The following UGT2B15 variants were observed in gnomAD, a reference collection of about 807,000 sequenced individuals.
The protein encoded by UGT2B15 is UDP-glucuronosyltransferase 2B15.
UGT2B15 carries 36 observed loss-of-function variants against 45.9 expected under a neutral mutation model. The observed-to-expected ratio is 0.78, with a 90% CI of 0.60 to 1.04. The LOEUF (loss-of-function observed/expected upper bound fraction) is 1.04. Ranked by LOEUF, UGT2B15 falls within the 50% of genes least tolerant of loss-of-function variation. The pLI is 0.00. For missense variants in UGT2B15, 617 were observed against 622.4 expected, an observed-to-expected ratio of 0.99 and a Z score of 0.09; for synonymous variants, 219 against 216.4, an observed-to-expected ratio of 1.01 and a Z score of -0.11.
intron 4 of UGT2B15, 115 bp from the exon 5 acceptor site, chr4:68,654,371 A>G (rs556434046): frequency 2.1e-6 from 2 of 946,336 alleles, no homozygotes; most frequent in Non-Finnish European, 3.1e-6. Flanking sequence ...CATTATACCC[A>G]CAAAACTGCA....
intron 3 of UGT2B15, among the ~76,000 whole-genome samples, chr4:68,655,497 G>A (rs1414188098): frequency 2.0e-5 from 3 of 152,062 alleles, no homozygotes; most frequent in African/African-American, 7.2e-5. Context: ...GAAAAGTTAA[G>A]CTGCTTAGGG....
intron 2 of UGT2B15, among the ~76,000 whole-genome samples, chr4:68,665,208 A>T (rs910688829): frequency 6.6e-6 from 1 of 152,146 alleles, no homozygotes; most frequent in African/African-American, 2.4e-5. Flanking sequence ...CCATTTCATT[A>T]TGGGTTTAAT....
At position 68,654,226 on chromosome 4, in the gene UGT2B15, T is replaced by A. The variant is rs758533475; in HGVS notation, c.1124A>T (p.His375Leu). Residue 375 changes from histidine to leucine, a missense_variant, in exon 5 of 6, where the codon CAT becomes CTT. Around this residue, in one of 3 missense-constraint regions of UGT2B15, gnomAD observed 265 missense variants for 245.1 expected, o/e 1.08. Transcript: ENST00000338206. ...GHPKTKAFIT[H>L]GGTNGIYEAI... Reference sequence around the variant, plus strand: ...CTCATAGATGCCATTGGTTCCACCATGAGTTATAAAAGCTTTGGTTTTGGG... The same window carrying A: ...CTCATAGATGCCATTGGTTCCACCAAGAGTTATAAAAGCTTTGGTTTTGGG... 5 of 1,613,604 alleles carry A rather than the reference T, an allele frequency of 3.1e-6. No homozygotes were observed. The East Asian group carries it at 1.1e-4, about 36-fold the overall frequency.
chr4:68,655,310 T>A (rs1732772869), intron 3 of UGT2B15, 128 bp from the exon 4 acceptor site: 1 of 1,177,750 alleles, frequency 8.5e-7, no homozygotes, highest in South Asian at 1.6e-5. Flanking sequence ...GAAGAAGTGA[T>A]GTCAAGTAAT....
intron 5 of UGT2B15, among the ~76,000 whole-genome samples, chr4:68,653,630 C>A (rs186221683): frequency 1.3e-4 from 20 of 151,874 alleles, no homozygotes; most frequent in African/African-American, 4.8e-4. Context: ...AATTATAATT[C>A]ATTATCACAT....
chr4:68,649,138 G>A (rs141748132), intron 5 of UGT2B15, among the ~76,000 whole-genome samples: 4,347 of 151,598 alleles, frequency 0.029, 283 homozygotes, highest in East Asian at 0.26. Flanking sequence ...TTCAGTTATC[G>A]TTTTTGGATG....
intron 3 of UGT2B15, among the ~76,000 whole-genome samples, chr4:68,657,686 C>T (rs1177300343): frequency 6.6e-6 from 1 of 152,026 alleles, no homozygotes; most frequent in Non-Finnish European, 1.5e-5. Flanking sequence ...GTCCTGCAAG[C>T]TATAGAGTTC....
chr4:68,647,592 A>G (rs560564786), intron 5 of UGT2B15, among the ~76,000 whole-genome samples: 177 of 152,274 alleles, frequency 1.2e-3, no homozygotes, highest in Non-Finnish European at 2.1e-3. Flanking sequence ...ACCTTTAAAA[A>G]TGAAAAATGG....
At chr4:68,663,511 AT>A (rs889744352) in intron 2 of UGT2B15, among the ~76,000 whole-genome samples, 1 of 151,672 alleles carries the variant, frequency 6.6e-6, no homozygotes, top group African/African-American at 2.4e-5. Flanking sequence ...TTCAATTCTA[AT>A]TTTTTTTGTG....
At chr4:68,650,301 C>T (rs1338121506) in intron 5 of UGT2B15, among the ~76,000 whole-genome samples, 1 of 151,960 alleles carries the variant, frequency 6.6e-6, no homozygotes, top group Non-Finnish European at 1.5e-5. Flanking sequence ...TGTCCTGATA[C>T]TCTCACTCCC....
In UGT2B15 at chr4:68,647,393, A is replaced by G; in HGVS notation, c.1314-10T>C. The G allele has an allele frequency of 6.2e-7, 1 of 1,604,376 alleles. No homozygotes were observed. The highest frequency in any genetic ancestry group is 8.5e-7 in the Non-Finnish European group (1 of 1,174,398). ...GACATTCTCTTTATAGCTGAAGGAT[A>G]AATATAAAGATATCAACATTAAAAG... On this transcript the variant is annotated splice_polypyrimidine_tract_variant and intron_variant, in intron 5 of 5. Transcript: ENST00000338206.
intron 5 of UGT2B15, among the ~76,000 whole-genome samples, chr4:68,653,239 T>G (rs528032856): frequency 6.6e-6 from 1 of 152,156 alleles, no homozygotes; most frequent in South Asian, 2.1e-4. Flanking sequence ...TGGAAAGACC[T>G]AAAATGTCCA....
At chr4:68,651,775 C>T (rs1732661625) in intron 5 of UGT2B15, among the ~76,000 whole-genome samples, 1 of 152,030 alleles carries the variant, frequency 6.6e-6, no homozygotes, top group Non-Finnish European at 1.5e-5. Flanking sequence ...GGTTATGTAG[C>T]CTTGTAGTAC....
chr4:68,656,818 C>T (rs1233440071), intron 3 of UGT2B15, among the ~76,000 whole-genome samples: 2 of 151,860 alleles, frequency 1.3e-5, no homozygotes, highest in African/African-American at 4.9e-5. Context: ...CAGTCCAAAG[C>T]TCTGTTTTCC....
intron 3 of UGT2B15, among the ~76,000 whole-genome samples, chr4:68,658,008 G>T (rs1448966922): frequency 6.6e-6 from 1 of 151,920 alleles, no homozygotes; most frequent in African/African-American, 2.4e-5. Flanking sequence ...TGTAAATTTT[G>T]CTATTTAATT....
At chr4:68,654,581 A>AT (rs927922057) in intron 4 of UGT2B15, among the ~76,000 whole-genome samples, 1 of 151,776 alleles carries the variant, frequency 6.6e-6, no homozygotes, top group Non-Finnish European at 1.5e-5. Context: ...AAAATATTTA[A>AT]TTTTTTTTAA....
rs1327017170 is a variant in UGT2B15 at position 68,668,884 on chromosome 4, T to G, written c.725-696A>C. The stretch of plus-strand genomic sequence containing the variant: ...TGGACTAATGTAGCCACTATGAACT[T>G]AAATACACATTTGTCTTCCCTCTGA... On this transcript the variant is annotated intron_variant, in intron 1 of 5. Transcript: ENST00000338206. Among the ~76,000 whole-genome samples, 209 of 152,004 alleles carry G rather than the reference T, an allele frequency of 1.4e-3. 1 individual carries two copies. Among genetic ancestry groups the G allele is most frequent in the Non-Finnish European group, 2.4e-3 (160 of 67,984 alleles).
intron 4 of UGT2B15, 98 bp from the exon 5 acceptor site, chr4:68,654,354 T>C: frequency 8.2e-7 from 1 of 1,217,206 alleles, no homozygotes; most frequent in Non-Finnish European, 1.1e-6. Context: ...AACTGTTCCC[T>C]AGGTAACATT....
rs545719760 is a variant in UGT2B15 at position 68,664,472 on chromosome 4, T to A, written c.874-1333A>T. 2.6e-3 allele frequency among the ~76,000 whole-genome samples: 397 copies of A among 152,184 alleles called. 2 individuals are homozygous for A. Among genetic ancestry groups the A allele is most frequent in the African/African-American group, 8.7e-3 (362 of 41,528 alleles). On this transcript the variant is annotated intron_variant, in intron 2 of 5. Transcript: ENST00000338206. ...CTAATCATTGGGGGAAATTTCTTTA[T>A]AAAACTGTTTACAAATAAAAAAAGA...
Sources: allele counts gnomAD v4.1 joint callset (sites outside exome capture counted in the v4.1 genomes callset), GRCh38; gene constraint gnomAD v4.1.1; regional missense constraint gnomAD v4.1.1; transcripts MANE v1.5; gene names NCBI Gene and HGNC (gene_info 2026-07-23, HGNC 2026-07-21).